The following VPS53 variants were observed in gnomAD, a reference collection of about 807,000 sequenced individuals.
The protein encoded by VPS53 is vacuolar protein sorting-associated protein 53 homolog.
Under a neutral mutation model 107.0 loss-of-function variants are expected in VPS53, and 70 were observed. That is an observed-to-expected ratio of 0.65 (90% CI 0.54 to 0.80). VPS53 has a LOEUF of 0.80. Among genes scored for constraint, VPS53 ranks in the 30% least tolerant of loss-of-function variants. The pLI is 0.00. For synonymous variants in VPS53, 409 were observed against 393.3 expected, an observed-to-expected ratio of 1.04 and a Z score of -0.47; for missense variants, 917 against 1,049.4, an observed-to-expected ratio of 0.87 and a Z score of 1.74.
At chr17:615,529 C>T (rs1344235910) in intron 11 of VPS53, among the ~76,000 whole-genome samples, 2 of 152,110 alleles carry the variant, frequency 1.3e-5, no homozygotes, top group Non-Finnish European at 2.9e-5. Context: ...GGATGACGTA[C>T]AGCCTAGGGA....
intron 2 of VPS53, among the ~76,000 whole-genome samples, chr17:701,242 C>T (rs1024677742): frequency 2.0e-4 from 30 of 152,184 alleles, no homozygotes; most frequent in African/African-American, 6.7e-4. Context: ...GGGAGGATCA[C>T]CTGAGCCCAG....
rs1379764789 is a variant in VPS53, at chr17:536,863, T to C, written c.2015+165A>G. The stretch of plus-strand genomic sequence containing the variant: ...TGTAACGAATGTGCCACTTTGTGTG[T>C]GGGGAGGTGTCGGTAATGGGAAGAC... On this transcript the variant is annotated intron_variant, in intron 18 of 21. Transcript: ENST00000437048. 1.9e-5 allele frequency: 15 copies of C among 786,848 alleles called. 1 individual carries two copies. In the South Asian group the frequency reaches 2.8e-4, roughly 15 times the overall value. The allele number at this position is 786,848 out of a possible 1,614,324, so 48.7% of individuals were successfully genotyped here.
chr17:606,827 G>A (rs1158171366), intron 11 of VPS53, among the ~76,000 whole-genome samples: 1 of 152,052 alleles, frequency 6.6e-6, no homozygotes, highest in African/African-American at 2.4e-5. Context: ...AGGTAGAACA[G>A]TTTCATCTCG....
chr17:645,934 C>T (rs1235136984), intron 7 of VPS53, among the ~76,000 whole-genome samples: 4 of 127,044 alleles, frequency 3.1e-5, no homozygotes, highest in Admixed American at 8.9e-5. Flanking sequence ...GGACTGGAGA[C>T]TGGCTCCCAC....
At chr17:604,072 G>A (rs889937260) in intron 11 of VPS53, among the ~76,000 whole-genome samples, 1 of 152,174 alleles carries the variant, frequency 6.6e-6, no homozygotes, top group Non-Finnish European at 1.5e-5. Flanking sequence ...CAGAATTTGA[G>A]TTTTTGAACT....
intron 2 of VPS53, among the ~76,000 whole-genome samples, chr17:703,327 C>T (rs147046587): frequency 3.9e-5 from 6 of 152,366 alleles, no homozygotes; most frequent in African/African-American, 1.2e-4. Context: ...GGTGCTTTGC[C>T]TGAAGCTGCA....
rs1908586402 is a variant in VPS53, at chr17:519,831, T to C, written c.2323A>G (p.Met775Val). The stretch of plus-strand genomic sequence containing the variant: ...CCAAATGTCCCGGCACAAACCTTCA[T>C]GTCCAGTATCTTCTGAAAGGTTTCT... ...NTETFQKILDMKGLKRSEQSS... is the reference protein window; with the variant it reads ...NTETFQKILDVKGLKRSEQSS... Residue 775 changes from methionine (M) to valine (V), a missense_variant, in exon 21 of 22, where the codon ATG (methionine) becomes GTG (valine). Transcript: ENST00000437048. The surrounding 1 kb of genome is among the most constrained non-coding windows in gnomAD (Gnocchi z 5.0). The C allele has an allele frequency of 1.9e-6, 3 of 1,550,528 alleles. No individual in the cohort carries two copies. The highest frequency in any genetic ancestry group is 2.6e-6 in the Non-Finnish European group (3 of 1,145,926).
intron 13 of VPS53, among the ~76,000 whole-genome samples, chr17:572,693 C>A (rs1373298555): frequency 6.6e-6 from 1 of 150,512 alleles, no homozygotes; most frequent in East Asian, 1.9e-4. Flanking sequence ...AAGAAAAATT[C>A]TTCTGCCTTG....
At chr17:574,058 T>C (rs1914405562) in intron 13 of VPS53, among the ~76,000 whole-genome samples, 1 of 152,174 alleles carries the variant, frequency 6.6e-6, no homozygotes, top group African/African-American at 2.4e-5. Flanking sequence ...GACTTTAAAA[T>C]GGTTAATAAC....
intron 7 of VPS53, among the ~76,000 whole-genome samples, chr17:635,799 G>A (rs1367432570): frequency 1.3e-5 from 2 of 152,186 alleles, no homozygotes; most frequent in African/African-American, 4.8e-5. Flanking sequence ...GGTTACTATA[G>A]CCTTGTAGTA....
intron 4 of VPS53, among the ~76,000 whole-genome samples, chr17:672,175 ATCTCTCTCTCTCTCTC>A (rs10539620): frequency 2.6e-4 from 28 of 107,068 alleles, no homozygotes; most frequent in Admixed American, 4.1e-4. Context: ...CACAATCTCA[ATCTCTCTCTCTCTCTC>A]TCTCTCTCTC....
chr17:520,361 C>T lies in VPS53; in HGVS notation c.2224-431G>A, dbSNP rs1295871656. Among the ~76,000 whole-genome samples the T allele has an allele frequency of 6.6e-6, 1 of 152,150 alleles. No individual in the cohort carries two copies. The highest frequency in any genetic ancestry group is 2.4e-5 in the African/African-American group (1 of 41,436). On this transcript the variant is annotated intron_variant, in intron 20 of 21. Coordinates refer to ENST00000437048, the MANE Select transcript of VPS53 (RefSeq NM_001128159.3). The surrounding 1 kb of genome is among the most constrained non-coding windows in gnomAD (Gnocchi z 4.4). ...TCCTGTTCCAGGCATTTCACCAGTACACGGTACTTGCTCCTTCTGCCTTGA... is the reference window on the plus strand; with the variant it reads ...TCCTGTTCCAGGCATTTCACCAGTATACGGTACTTGCTCCTTCTGCCTTGA...
chr17:532,768 C>G (rs960945488), intron 19 of VPS53, 74 bp downstream of exon 19: 11 of 1,580,262 alleles, frequency 7.0e-6, no homozygotes, highest in African/African-American at 1.3e-5. Context: ...CCAAGTAGAT[C>G]TGGACTAGAA....
chr17:638,935 CT>C (rs1406255419), intron 7 of VPS53, among the ~76,000 whole-genome samples: 10 of 152,144 alleles, frequency 6.6e-5, no homozygotes, highest in Non-Finnish European at 4.4e-5. Context: ...GTGGTGTTCT[CT>C]GTATTTCCTG....
chr17:710,741 AG>A, intron 1 of VPS53, 128 bp from the exon 2 acceptor site: 1 of 626,626 alleles, frequency 1.6e-6, no homozygotes, highest in South Asian at 2.2e-5. Flanking sequence ...GCACTTTGGG[AG>A]GCCAAAGCAG....
chr17:603,834 G>C (rs1968434936), intron 11 of VPS53, among the ~76,000 whole-genome samples: 1 of 152,110 alleles, frequency 6.6e-6, no homozygotes, highest in Admixed American at 6.5e-5. Context: ...AGAGAGAGAG[G>C]AATAGTAATA....
intron 7 of VPS53, among the ~76,000 whole-genome samples, chr17:651,703 A>T (rs1441916477): frequency 6.6e-6 from 1 of 152,244 alleles, no homozygotes; most frequent in African/African-American, 2.4e-5. Flanking sequence ...TCAGAAACGT[A>T]GCTGCTGCTC....
intron 2 of VPS53, among the ~76,000 whole-genome samples, chr17:709,158 C>T (rs533794327): frequency 2.2e-4 from 34 of 152,038 alleles, no homozygotes; most frequent in African/African-American, 7.7e-4. Flanking sequence ...CGCTCTGTCA[C>T]GGAACCTGCC....
intron 19 of VPS53, among the ~76,000 whole-genome samples, chr17:525,216 A>G (rs1371454479): frequency 1.3e-5 from 2 of 152,252 alleles, no homozygotes; most frequent in East Asian, 3.8e-4. Flanking sequence ...TAGTTTTAAA[A>G]TATGCAAAAC....
Sources: gnomAD v4.1 joint callset for allele counts (sites outside exome capture counted in the v4.1 genomes callset) on GRCh38, gnomAD v4.1.1 for gene constraint, Gnocchi (gnomAD v3.1) non-coding constraint, MANE v1.5 for transcripts, NCBI Gene and HGNC (gene_info 2026-07-23, HGNC 2026-07-21) for gene names.